RBM20: variants seen among roughly 807,000 people sequenced by gnomAD.
The protein encoded by RBM20 is RNA binding motif protein 20.
RBM20 carries 51 observed loss-of-function variants against 110.1 expected under a neutral mutation model. The ratio of observed to expected loss-of-function variants is 0.46; its 90% confidence interval spans 0.37 to 0.59. RBM20 has a LOEUF of 0.59. Ranked by LOEUF, RBM20 falls within the 20% of genes least tolerant of loss-of-function variation. The pLI, the probability that RBM20 is intolerant of heterozygous loss-of-function variation, is 0.00. For missense variants in RBM20, 1,512 were observed against 1,574.9 expected, an observed-to-expected ratio of 0.96 and a Z score of 0.68; for synonymous variants, 589 against 618.2, an observed-to-expected ratio of 0.95 and a Z score of 0.70.
At chr10:110,822,292 G>A (rs969328777) in intron 11 of RBM20, 8 of 422,486 alleles carry the variant, frequency 1.9e-5, no homozygotes, top group African/African-American at 1.6e-4. Flanking sequence ...CACAGCAGAG[G>A]GCCACCCAGG....
chr10:110,703,672 A>G (rs1399612735), intron 1 of RBM20, among the ~76,000 whole-genome samples: 2 of 152,216 alleles, frequency 1.3e-5, no homozygotes, highest in Non-Finnish European at 2.9e-5. Context: ...TTCCAGCACT[A>G]CAGTCGAGAT....
chr10:110,680,900 C>T (rs1487373537), intron 1 of RBM20, among the ~76,000 whole-genome samples: 2 of 152,142 alleles, frequency 1.3e-5, no homozygotes, highest in South Asian at 2.1e-4. Flanking sequence ...CACTCATTTC[C>T]ATTTACTTCT....
chr10:110,787,088 T>G (rs1844428680), intron 5 of RBM20, among the ~76,000 whole-genome samples: 1 of 152,268 alleles, frequency 6.6e-6, no homozygotes, highest in Non-Finnish European at 1.5e-5. Flanking sequence ...ACTTGCTGTG[T>G]GTCTCCAGGC....
In RBM20 at chr10:110,683,164, G is replaced by A. The variant is rs545498434; in HGVS notation, c.191+38519G>A. On this transcript the variant is annotated intron_variant, in intron 1 of 13. Transcript: ENST00000369519. The stretch of plus-strand genomic sequence containing the variant: ...GTGTTGGGCTTTTTTTGTTCTCATC[G>A]AATTCTTGACCACCTTCTTGATTTC... 5.3e-5 allele frequency among the ~76,000 whole-genome samples: 8 copies of A among 152,238 alleles called. No homozygotes were observed. The East Asian group carries it at 7.7e-4, about 15-fold the overall frequency.
At chr10:110,719,303 T>C (rs1436886259) in intron 1 of RBM20, among the ~76,000 whole-genome samples, 1 of 152,260 alleles carries the variant, frequency 6.6e-6, no homozygotes, top group East Asian at 1.9e-4. Context: ...TGCTGTTCAT[T>C]CCTCTGAACA....
At chr10:110,825,868 A>AT (rs1554843895) in intron 12 of RBM20, among the ~76,000 whole-genome samples, 1 of 152,216 alleles carries the variant, frequency 6.6e-6, no homozygotes, top group Non-Finnish European at 1.5e-5. Context: ...TATTTAACAG[A>AT]TAAAAAATCT....
intron 12 of RBM20, among the ~76,000 whole-genome samples, chr10:110,830,175 C>T (rs991831056): frequency 1.5e-4 from 23 of 152,222 alleles, no homozygotes; most frequent in African/African-American, 5.5e-4. Context: ...GGGCTCTTTC[C>T]ACTCCACTGA....
chr10:110,835,771 C>T (rs953429625), intron 13 of RBM20, 97 bp from the exon 14 acceptor site: 3 of 1,259,566 alleles, frequency 2.4e-6, no homozygotes, highest in Admixed American at 4.3e-5. Context: ...GGCACAGATG[C>T]CAGGAGAGGG....
At chr10:110,687,621 G>A (rs1442749494) in intron 1 of RBM20, among the ~76,000 whole-genome samples, 5 of 152,176 alleles carry the variant, frequency 3.3e-5, no homozygotes, top group Non-Finnish European at 5.9e-5. Context: ...CAGAAATCTC[G>A]TGATTTTGCG....
intron 1 of RBM20, among the ~76,000 whole-genome samples, chr10:110,761,485 TG>T (rs11341787): frequency 0.4 from 60,626 of 152,048 alleles, 12,238 homozygotes; most frequent in East Asian, 0.46. Flanking sequence ...CTTAAGTTCC[TG>T]TGTACTTGGC....
chr10:110,769,340 G>A (rs1443625459), intron 1 of RBM20, among the ~76,000 whole-genome samples: 1 of 152,060 alleles, frequency 6.6e-6, no homozygotes, highest in Non-Finnish European at 1.5e-5. Flanking sequence ...GATGGGGGTG[G>A]GTGTTGACTA....
intron 1 of RBM20, among the ~76,000 whole-genome samples, chr10:110,756,258 C>A (rs1042292855): frequency 1.3e-5 from 2 of 152,168 alleles, no homozygotes; most frequent in African/African-American, 4.8e-5. Flanking sequence ...ACCTCTGATG[C>A]TATAATCAAC....
Position 110,781,425 on chromosome 10 carries a change from G to C in RBM20, c.816G>C (p.Gln272His). 1 of 1,551,688 alleles carries C rather than the reference G, an allele frequency of 6.4e-7. No individual in the cohort carries two copies. The highest frequency in any genetic ancestry group is 2.4e-5 in the East Asian group (1 of 40,930). ...TYEGHYSHTG[Q>H]DGQAAFSKDF... ...AAGGGCACTACAGCCACACAGGGCA[G>C]GATGGTCAAGCTGCCTTTTCCAAAG... Residue 272 changes from glutamine to histidine, a missense_variant, in exon 2 of 14, where the codon CAG becomes CAC. By Grantham distance (24) the Gln-to-His change is conservative. Around this residue, in one of 3 missense-constraint regions of RBM20, gnomAD observed 1,149 missense variants for 1,169.4 expected, o/e 0.98. Transcript: ENST00000369519.
intron 1 of RBM20, among the ~76,000 whole-genome samples, chr10:110,708,873 T>A (rs1862880371): frequency 6.6e-6 from 1 of 152,138 alleles, no homozygotes. Flanking sequence ...CTTGGAATGA[T>A]TGAGAGTGTG....
At chr10:110,661,725 A>C (rs186571515) in intron 1 of RBM20, among the ~76,000 whole-genome samples, 1 of 152,224 alleles carries the variant, frequency 6.6e-6, no homozygotes, top group Admixed American at 6.5e-5. Context: ...TGTTGAAAGT[A>C]GGGGCCAGGC....
chr10:110,717,518 A>G (rs1048085399), intron 1 of RBM20, among the ~76,000 whole-genome samples: 1 of 152,168 alleles, frequency 6.6e-6, no homozygotes, highest in Non-Finnish European at 1.5e-5. Flanking sequence ...GATGACATCA[A>G]TGTCCCCTGG....
chr10:110,753,542 C>T (rs1379255519), intron 1 of RBM20, among the ~76,000 whole-genome samples: 2 of 152,124 alleles, frequency 1.3e-5, no homozygotes, highest in Non-Finnish European at 2.9e-5. Flanking sequence ...TAGAATTTCC[C>T]TTGCTGGTGA....
At chr10:110,715,481 G>C (rs1248103402) in intron 1 of RBM20, among the ~76,000 whole-genome samples, 2 of 152,164 alleles carry the variant, frequency 1.3e-5, no homozygotes, top group Non-Finnish European at 1.5e-5. Flanking sequence ...GTTTTCCTTT[G>C]CTGCATTGTA....
At position 110,821,795 on chromosome 10, in the gene RBM20, C is replaced by G. The variant is rs1478811231; in HGVS notation, c.3176C>G (p.Pro1059Arg). Residue 1059 changes from proline (P) to arginine (R), a missense_variant, in exon 11 of 14, where the codon CCA becomes CGA. Around this residue, in one of 3 missense-constraint regions of RBM20, gnomAD observed 358 missense variants for 384.2 expected, o/e 0.93. Coordinates refer to ENST00000369519, the MANE Select transcript of RBM20 (RefSeq NM_001134363.3). ...CCAGCAGAGGAGAGGGCCCGGCAGC[C>G]AAGCCCATTTGTGGATGATTGCAAG... is the stretch of plus-strand genomic sequence containing the variant. ...PKPAEERARQ[P>R]SPFVDDCKTR... 1 of 1,551,776 alleles carries G rather than the reference C, an allele frequency of 6.4e-7. No individual in the cohort carries two copies. Among genetic ancestry groups the G allele is most frequent in the South Asian group, 1.2e-5 (1 of 84,070 alleles).
Sources: allele counts gnomAD v4.1 joint callset (sites outside exome capture counted in the v4.1 genomes callset), GRCh38; gene constraint gnomAD v4.1.1; regional missense constraint gnomAD v4.1.1; transcripts MANE v1.5; gene names NCBI Gene and HGNC (gene_info 2026-07-23, HGNC 2026-07-21).